Variants in BTN1A1 observed in about 807,000 individuals in gnomAD.
BTN1A1 encodes butyrophilin subfamily 1 member A1, also known as bK14H9.2 (butyrophilin, subfamily 1, member A1).
A neutral mutation model predicts 33.1 loss-of-function variants in BTN1A1; 26 were observed. The ratio of observed to expected loss-of-function variants is 0.79; its 90% CI spans 0.58 to 1.09. The LOEUF is 1.09. BTN1A1 is among the 50% of genes least tolerant of loss of function. The probability of loss-of-function intolerance (pLI) is 0.00; values close to 1 mark genes in which losing one functional copy is unlikely to be tolerated. For synonymous variants in BTN1A1, 235 were observed against 256.2 expected, an observed-to-expected ratio of 0.92 and a Z score of 0.79; for missense variants, 558 against 655.7, an observed-to-expected ratio of 0.85 and a Z score of 1.63.
In BTN1A1 at chr6:26,508,088, G is replaced by T. The variant is rs772499799; in HGVS notation, c.907+1G>T. ...TGGAAAAAGGCTACCTTGCATGCAGGTCAGTGGCTCTGAACTTCTCTAGGG... is the reference window on the plus strand; with the variant it reads ...TGGAAAAAGGCTACCTTGCATGCAGTTCAGTGGCTCTGAACTTCTCTAGGG... On this transcript the variant is annotated splice_donor_variant, in intron 7 of 7. Transcript: ENST00000684113. LOFTEE classifies it high-confidence loss of function. 1 of 1,610,766 alleles carries T rather than the reference G, an allele frequency of 6.2e-7. No homozygotes were observed. Among genetic ancestry groups the T allele is most frequent in the South Asian group, 1.1e-5 (1 of 90,542 alleles).
At position 26,501,882 on chromosome 6, in the gene BTN1A1, C is replaced by CT. The variant is rs757681333; in HGVS notation, c.377dup (p.Arg127GlnfsTer21). ...TCTCTGACGACGGGGAGTACACGTGCTTTTTCAGGGAGGATGGAAGCTACG... is the reference window on the plus strand; with the variant it reads ...TCTCTGACGACGGGGAGTACACGTGCTTTTTTCAGGGAGGATGGAAGCTACG... On this transcript the variant is annotated frameshift_variant, in exon 3 of 8. Transcript: ENST00000684113. LOFTEE classifies it high-confidence loss of function. This position sits in a 1 kb window ranked among gnomAD's most constrained non-coding sequence, Gnocchi z 5.2. 1.2e-6 allele frequency: 2 copies of CT among 1,603,678 alleles called. No homozygotes were observed. The highest frequency in any genetic ancestry group is 2.7e-5 in the African/African-American group (2 of 74,754).
In BTN1A1 at chr6:26,508,605, A is replaced by T; in HGVS notation, c.1012A>T (p.Thr338Ser). 6.2e-7 allele frequency: 1 copy of T among 1,614,208 alleles called. No homozygotes were observed. The highest frequency in any genetic ancestry group is 8.5e-7 in the Non-Finnish European group (1 of 1,180,038). Residue 338 changes from threonine to serine, a missense_variant, in exon 8 of 8, where the codon ACA (threonine) becomes TCA (serine). Physicochemically the swap from Thr to Ser is moderately conservative, Grantham distance 58. Coordinates refer to ENST00000684113, the MANE Select transcript of BTN1A1 (RefSeq NM_001732.3). ...TTCACGTCAGAAACTGCCTGAGAAA[A>T]CAGAGAGATTTGACTCCTGGCCCTG... ...EDSRQKLPEK[T>S]ERFDSWPCVL...
chr6:26,508,212 A>T, intron 7 of BTN1A1, 125 bp downstream of exon 7: 1 of 1,256,708 alleles, frequency 8.0e-7, no homozygotes. Flanking sequence ...AACGGTGATG[A>T]CAGATGGCCT....
chr6:26,508,746 G>C lies in BTN1A1; in HGVS notation c.1153G>C (p.Asp385His). ...CRENVMKKGF[D>H]PMTPENGFWA... ...GGAGAATGTGATGAAGAAAGGATTT[G>C]ACCCCATGACTCCTGAGAATGGGTT... Residue 385 changes from aspartate to histidine, a missense_variant, in exon 8 of 8, where the codon GAC becomes CAC. By Grantham distance (81) the Asp-to-His change is moderately conservative (BLOSUM62 -1). Coordinates refer to ENST00000684113, the MANE Select transcript of BTN1A1 (RefSeq NM_001732.3). The C allele has an allele frequency of 6.2e-7, 1 of 1,614,056 alleles. No homozygotes were observed. The highest frequency in any genetic ancestry group is 8.5e-7 in the Non-Finnish European group (1 of 1,180,006).
Position 26,508,669 on chromosome 6 carries a change from A to AC in BTN1A1, c.1077dup (p.Trp360LeufsTer10). On this transcript the variant is annotated frameshift_variant, in exon 8 of 8. Coordinates refer to ENST00000684113, the MANE Select transcript of BTN1A1 (RefSeq NM_001732.3). LOFTEE classifies it low-confidence loss of function (END_TRUNC). ...GAGACCTTCACCTCAGGAAGGCATTACTGGGAGGTGGAGGTGGGAGACAGG... is the reference window on the plus strand; with the variant it reads ...GAGACCTTCACCTCAGGAAGGCATTACCTGGGAGGTGGAGGTGGGAGACAGG... The AC allele has an allele frequency of 6.2e-7, 1 of 1,614,130 alleles. No individual in the cohort carries two copies. Among genetic ancestry groups the AC allele is most frequent in the Non-Finnish European group, 8.5e-7 (1 of 1,180,004 alleles).
intron 1 of BTN1A1, among the ~76,000 whole-genome samples, 56 bp downstream of exon 1, chr6:26,500,414 T>C (rs553771337): frequency 4.6e-5 from 7 of 152,086 alleles, no homozygotes; most frequent in Non-Finnish European, 7.4e-5. Context: ...CAGAGGGGCA[T>C]AGCATACTTC....
chr6:26,503,758 TG>T (rs1451786012), intron 3 of BTN1A1, among the ~76,000 whole-genome samples: 1 of 151,848 alleles, frequency 6.6e-6, no homozygotes, highest in Non-Finnish European at 1.5e-5. Flanking sequence ...GTCCCCCAGT[TG>T]CAGCATCATG....
Position 26,505,040 on chromosome 6 carries a change from G to C in BTN1A1, c.543G>C (p.Lys181Asn), listed in dbSNP as rs149886741. The C allele has an allele frequency of 6.2e-7, 1 of 1,614,232 alleles. No individual in the cohort carries two copies. The highest frequency in any genetic ancestry group is 2.2e-5 in the East Asian group (1 of 44,884). ...PEPQVQWRTS[K>N]GEKFPSTSES... ...CCCAGGTGCAGTGGAGAACTTCCAA[G>C]GGAGAGAAGTTTCCATCTACATCAG... Residue 181 changes from lysine (K) to asparagine (N), a missense_variant, in exon 4 of 8, where the codon AAG (lysine) becomes AAC (asparagine). By Grantham distance (94) the Lys-to-Asn change is moderately conservative (BLOSUM62 0). Coordinates refer to ENST00000684113, the MANE Select transcript of BTN1A1 (RefSeq NM_001732.3).
chr6:26,501,510 C>A lies in BTN1A1; in HGVS notation c.80-80C>A, dbSNP rs1763797604. 6.3e-7 allele frequency: 1 copy of A among 1,590,978 alleles called. No individual in the cohort carries two copies. On this transcript the variant is annotated intron_variant, in intron 2 of 7. Coordinates refer to ENST00000684113, the MANE Select transcript of BTN1A1 (RefSeq NM_001732.3). This position sits in a 1 kb window ranked among gnomAD's most constrained non-coding sequence, Gnocchi z 5.2. ...AGGAGTAAGAGAGCGCGGGGCACTG[C>A]GCTTTGGCGGGAATCTGGTCGGTGT...
intron 3 of BTN1A1, among the ~76,000 whole-genome samples, chr6:26,503,254 C>T (rs191739633): frequency 5.9e-5 from 9 of 151,726 alleles, no homozygotes; most frequent in Admixed American, 3.3e-4. Context: ...GAGGCCAAGG[C>T]GGGTGACTCA....
At chr6:26,504,833 G>A in intron 3 of BTN1A1, 92 bp from the exon 4 acceptor site, 1 of 1,330,580 alleles carries the variant, frequency 7.5e-7, no homozygotes, top group Non-Finnish European at 1.0e-6. Flanking sequence ...GTGCCTTTCT[G>A]TCTCTCTCTT....
intron 5 of BTN1A1, 46 bp from the exon 6 acceptor site, chr6:26,507,904 A>T (rs1212954047): frequency 1.2e-6 from 2 of 1,607,728 alleles, no homozygotes; most frequent in African/African-American, 2.7e-5. Flanking sequence ...CCCCTCCTTT[A>T]CGTCCACTAT....
rs190092555 is a variant in BTN1A1 at position 26,507,794 on chromosome 6, A to G, written c.860-156A>G. Among the ~76,000 whole-genome samples the G allele has an allele frequency of 2.1e-3, 313 of 152,348 alleles. 2 individuals carry two copies. The highest frequency in any genetic ancestry group is 7.3e-3 in the African/African-American group (302 of 41,570). ...TGCATCTTTCTTCGAAAACAAAGCA[A>G]AACAAAATCCTTGTTCTTGATTTAT... On this transcript the variant is annotated intron_variant, in intron 5 of 7. Coordinates refer to ENST00000684113, the MANE Select transcript of BTN1A1 (RefSeq NM_001732.3).
At chr6:26,502,480 T>C (rs532820569) in intron 3 of BTN1A1, among the ~76,000 whole-genome samples, 1 of 151,604 alleles carries the variant, frequency 6.6e-6, no homozygotes, top group East Asian at 1.9e-4. Context: ...GGTCCTACAG[T>C]AGGAAATCAG....
chr6:26,506,804 A>G lies in BTN1A1; in HGVS notation c.831A>G (p.Arg277=). ...FTWRLYNERP[R]ERRNEFSSKE... is the part of the protein sequence containing the mutation. ...GGAGACTATACAACGAAAGACCCAG[A>G]GAGAGGAGGAATGAATTCAGCTCTA... The change falls in exon 5 of 8, where the codon AGA becomes AGG. Residue 277 remains arginine, a synonymous_variant. Coordinates refer to ENST00000684113, the MANE Select transcript of BTN1A1 (RefSeq NM_001732.3). The G allele has an allele frequency of 1.2e-6, 2 of 1,614,186 alleles. No individual in the cohort carries two copies. The highest frequency in any genetic ancestry group is 1.7e-6 in the Non-Finnish European group (2 of 1,180,032).
chr6:26,509,386 C>T lies in BTN1A1; in HGVS notation c.*212C>T, dbSNP rs1763915393. On this transcript the variant is annotated 3_prime_UTR_variant, in exon 8 of 8. Coordinates refer to ENST00000684113, the MANE Select transcript of BTN1A1 (RefSeq NM_001732.3). ...CAATATTTGGGGGATGGAGGGGTGA[C>T]TCAAACTGCTTCTAGTGTTCTCCTA... The T allele has an allele frequency of 9.0e-6, 5 of 555,820 alleles. No homozygotes were observed. Among genetic ancestry groups the T allele is most frequent in the Non-Finnish European group, 1.3e-5 (4 of 315,958 alleles). The allele number at this position is 555,820 out of a possible 1,614,324, so 34.4% of individuals were successfully genotyped here.
At chr6:26,505,996 G>A (rs1763865140) in intron 4 of BTN1A1, among the ~76,000 whole-genome samples, 2 of 151,926 alleles carry the variant, frequency 1.3e-5, no homozygotes, top group African/African-American at 4.8e-5. Flanking sequence ...GCGGGTGCCT[G>A]TAGTCCCAGC....
Position 26,500,338 on chromosome 6 carries a change from T to A in BTN1A1, c.-78T>A, listed in dbSNP as rs1472428860. Among the ~76,000 whole-genome samples, 1 of 152,148 alleles carries A rather than the reference T, an allele frequency of 6.6e-6. No homozygotes were observed. The highest frequency in any genetic ancestry group is 1.5e-5 in the Non-Finnish European group (1 of 68,028). On this transcript the variant is annotated 5_prime_UTR_variant, in exon 1 of 8. Coordinates refer to ENST00000684113, the MANE Select transcript of BTN1A1 (RefSeq NM_001732.3). ...CTTGGTAGCAGTGGCCTCTTGTGCC[T>A]TTTTCTCCAAGATCACCCAGGTCAG...
In BTN1A1 at chr6:26,505,007, C is replaced by T. The variant is rs752380106; in HGVS notation, c.510C>T (p.Tyr170=). 6.2e-7 allele frequency: 1 copy of T among 1,614,102 alleles called. No homozygotes were observed. The highest frequency in any genetic ancestry group is 2.2e-5 in the East Asian group (1 of 44,880). The change falls in exon 4 of 8, where the codon TAC becomes TAT. Residue 170 remains tyrosine (Y), a synonymous_variant. Transcript: ENST00000684113. ...TGGAGTGCACCTCAGTGGGATGGTACCCAGAGCCCCAGGTGCAGTGGAGAA... is the reference window on the plus strand; with the variant it reads ...TGGAGTGCACCTCAGTGGGATGGTATCCAGAGCCCCAGGTGCAGTGGAGAA... ...ICLECTSVGW[Y]PEPQVQWRTS... is the part of the protein sequence containing the mutation.
Sources: gnomAD v4.1 joint callset for allele counts (sites outside exome capture counted in the v4.1 genomes callset) on GRCh38, gnomAD v4.1.1 for gene constraint, Gnocchi (gnomAD v3.1) non-coding constraint, MANE v1.5 for transcripts, NCBI Gene and HGNC (gene_info 2026-07-23, HGNC 2026-07-21) for gene names.